ADCY2: variants seen among roughly 807,000 people sequenced by gnomAD.
The protein encoded by ADCY2 is adenylate cyclase 2.
ADCY2 carries 31 observed loss-of-function variants against 125.2 expected under a neutral mutation model. That is an observed-to-expected ratio of 0.25 (90% CI 0.19 to 0.33). ADCY2 has a LOEUF of 0.33. Among genes scored for constraint, ADCY2 ranks in the 10% least tolerant of loss-of-function variants. The pLI, the probability that ADCY2 is intolerant of heterozygous loss-of-function variation, is 1.00. For missense variants in ADCY2, 904 were observed against 1,418.2 expected, an observed-to-expected ratio of 0.64 and a Z score of 5.82; for synonymous variants, 512 against 548.4, an observed-to-expected ratio of 0.93 and a Z score of 0.93.
rs1404870112 is a variant in ADCY2 at position 7,690,605 on chromosome 5, A to G, written c.721-86A>G. ...AAAGAATTCCCAAACTGGCCTTCCT[A>G]CAAATCAGTGAGGATCTCCAATGTT... On this transcript the variant is annotated intron_variant, in intron 4 of 24. Transcript: ENST00000338316. 8.7e-6 allele frequency: 11 copies of G among 1,267,622 alleles called. No individual in the cohort carries two copies. In the East Asian group the frequency reaches 8.8e-5, roughly 10 times the overall value. 78.5% of individuals were successfully genotyped at this position (1,267,622 alleles called of 1,614,324 possible).
intron 2 of ADCY2, among the ~76,000 whole-genome samples, chr5:7,479,841 G>A (rs1742663719): frequency 6.6e-6 from 1 of 151,998 alleles, no homozygotes; most frequent in South Asian, 2.1e-4. Context: ...GGGTGAGAAT[G>A]TGCAAAGTTA....
rs147296905 is a variant in ADCY2, at chr5:7,738,499, C to A, written c.1872-5169C>A. ...AAGTAGTAGCAACAAATGTGACAGA[C>A]CACACTATACAAATAAAAGCAATGG... On this transcript the variant is annotated intron_variant, in intron 14 of 24. Transcript: ENST00000338316. Among the ~76,000 whole-genome samples, 47 of 151,884 alleles carry A rather than the reference C, an allele frequency of 3.1e-4. No homozygotes were observed. The East Asian group carries it at 8.3e-3, about 27-fold the overall frequency.
rs1290470790 is a variant in ADCY2, at chr5:7,473,457, C to T, written c.409-47281C>T. On this transcript the variant is annotated intron_variant, in intron 2 of 24. Coordinates refer to ENST00000338316, the MANE Select transcript of ADCY2 (RefSeq NM_020546.3). Reference sequence around the variant, plus strand: ...TTCACTCATTATCTCAAGGACTGCACCAGGTTATTTTTGAGGAACCCACCC... The same window carrying T: ...TTCACTCATTATCTCAAGGACTGCATCAGGTTATTTTTGAGGAACCCACCC... Among the ~76,000 whole-genome samples the T allele has an allele frequency of 2.0e-5, 3 of 152,046 alleles. No homozygotes were observed. The East Asian group carries it at 5.8e-4, about 29-fold the overall frequency.
At chr5:7,426,482 C>A (rs1487275967) in intron 2 of ADCY2, among the ~76,000 whole-genome samples, 1 of 152,142 alleles carries the variant, frequency 6.6e-6, no homozygotes, top group Admixed American at 6.5e-5. Context: ...AAAGACCAGG[C>A]AGCTATCTAA....
At chr5:7,487,173 C>T (rs578128782) in intron 2 of ADCY2, among the ~76,000 whole-genome samples, 63 of 152,306 alleles carry the variant, frequency 4.1e-4, no homozygotes, top group African/African-American at 1.3e-3. Flanking sequence ...CAGCTGTCCA[C>T]CCATGCTGGA....
In ADCY2 at chr5:7,802,143, A is replaced by C; in HGVS notation, c.2629-75A>C. 6.5e-7 allele frequency: 1 copy of C among 1,527,580 alleles called. No individual in the cohort carries two copies. The allele number at this position is 1,527,580 out of a possible 1,614,324, so 94.6% of individuals were successfully genotyped here. A position where few individuals can be genotyped will look rare whatever the true frequency, so the allele number is the denominator to read the frequency against. On this transcript the variant is annotated intron_variant, in intron 20 of 24. Transcript: ENST00000338316. This position sits in a 1 kb window ranked among gnomAD's most constrained non-coding sequence, Gnocchi z 4.6. ...GTCTGTGTGAATCCTGGCATAAACA[A>C]GCCACTTGCCTGTGGAGTGTTTCTG...
chr5:7,497,524 A>G (rs991690526), intron 2 of ADCY2, among the ~76,000 whole-genome samples: 8 of 152,140 alleles, frequency 5.3e-5, no homozygotes, highest in African/African-American at 1.9e-4. Context: ...CATAATCTAA[A>G]TTTTTTCACA....
chr5:7,743,527 C>T (rs1481370508), intron 14 of ADCY2, 141 bp from the exon 15 acceptor site: 2 of 744,006 alleles, frequency 2.7e-6, no homozygotes, highest in Non-Finnish European at 2.3e-6. Flanking sequence ...ATTTTAGCTC[C>T]ATTTTTATTT....
At chr5:7,809,952 C>T (rs1403026647) in intron 22 of ADCY2, among the ~76,000 whole-genome samples, 2 of 152,244 alleles carry the variant, frequency 1.3e-5, no homozygotes, top group African/African-American at 4.8e-5. Flanking sequence ...ATTCCCTGAG[C>T]ACACTCCCTG....
At chr5:7,751,969 A>G (rs1207683508) in intron 15 of ADCY2, among the ~76,000 whole-genome samples, 2 of 152,130 alleles carry the variant, frequency 1.3e-5, no homozygotes, top group Admixed American at 6.5e-5. Flanking sequence ...CCTACCATTT[A>G]ACAAACACTA....
At chr5:7,582,818 A>T (rs1736479455) in intron 3 of ADCY2, among the ~76,000 whole-genome samples, 1 of 152,134 alleles carries the variant, frequency 6.6e-6, no homozygotes. Context: ...AAAGTCTGGA[A>T]CAAGGAACTT....
In ADCY2 at chr5:7,707,651, T is replaced by A. The variant is rs1741305286; in HGVS notation, c.1269-55T>A. ...CAGAAATCATGAGCAAATAGAAACC[T>A]TTCTTCACACTTATCCTTTTATGTC... On this transcript the variant is annotated intron_variant, in intron 8 of 24. Transcript: ENST00000338316. 32 of 1,590,306 alleles carry A rather than the reference T, an allele frequency of 2.0e-5. No homozygotes were observed. The South Asian group carries it at 3.3e-4, about 16-fold the overall frequency.
chr5:7,750,292 C>T (rs1232473190), intron 15 of ADCY2, among the ~76,000 whole-genome samples: 2 of 152,056 alleles, frequency 1.3e-5, no homozygotes, highest in Non-Finnish European at 2.9e-5. Flanking sequence ...TACCTTAAAA[C>T]CGTAACATGT....
chr5:7,716,076 C>T (rs1579349526), intron 11 of ADCY2, among the ~76,000 whole-genome samples: 1 of 152,288 alleles, frequency 6.6e-6, no homozygotes, highest in Middle Eastern at 3.4e-3. Flanking sequence ...ACATCATTCT[C>T]ATGCAAATTG....
At chr5:7,707,035 C>G in intron 8 of ADCY2, 133 bp downstream of exon 8, 1 of 1,083,134 alleles carries the variant, frequency 9.2e-7, no homozygotes. Flanking sequence ...TACTCACGCC[C>G]AACGGCCTCT....
chr5:7,510,867 T>C (rs1436766954), intron 2 of ADCY2, among the ~76,000 whole-genome samples: 1 of 152,210 alleles, frequency 6.6e-6, no homozygotes, highest in African/African-American at 2.4e-5. Flanking sequence ...TGAAGAGTTG[T>C]GATACTCTGC....
chr5:7,514,995 G>A (rs1482834078), intron 2 of ADCY2, among the ~76,000 whole-genome samples: 1 of 152,190 alleles, frequency 6.6e-6, no homozygotes, highest in South Asian at 2.1e-4. Context: ...AGAAGCTAAT[G>A]CACTTGACAC....
intron 2 of ADCY2, among the ~76,000 whole-genome samples, chr5:7,478,428 T>C (rs1374325721): frequency 1.3e-5 from 2 of 152,236 alleles, no homozygotes; most frequent in African/African-American, 2.4e-5. Context: ...TTTTTGTGTA[T>C]ACATAAGTGT....
chr5:7,787,427 A>G (rs1744117043), intron 19 of ADCY2, among the ~76,000 whole-genome samples: 1 of 152,238 alleles, frequency 6.6e-6, no homozygotes, highest in Admixed American at 6.5e-5. Flanking sequence ...CACATTCATA[A>G]AGACATTATT....
Sources: allele counts gnomAD v4.1 joint callset (sites outside exome capture counted in the v4.1 genomes callset), GRCh38; gene constraint gnomAD v4.1.1; non-coding constraint Gnocchi (gnomAD v3.1); transcripts MANE v1.5; gene names NCBI Gene and HGNC (gene_info 2026-07-23, HGNC 2026-07-21).